Variants in PCDHGA6 observed in about 807,000 individuals in gnomAD.
The protein encoded by PCDHGA6 is protocadherin gamma subfamily A, 6.
A neutral mutation model predicts 60.6 loss-of-function variants in PCDHGA6; 41 were observed. The observed-to-expected ratio is 0.68, with a 90% CI of 0.53 to 0.88. The LOEUF (loss-of-function observed/expected upper bound fraction) is 0.88, where lower values mean the gene tolerates loss of function less well. Among genes scored for constraint, PCDHGA6 ranks in the 40% least tolerant of loss-of-function variants. The pLI, the probability that PCDHGA6 is intolerant of heterozygous loss-of-function variation, is 0.00. For synonymous variants in PCDHGA6, 594 were observed against 524.4 expected (o/e 1.13, Z -1.81); for missense variants, 1,312 against 1,203.0 (o/e 1.09, Z -1.34).
Position 141,490,413 on chromosome 5 carries a change from G to A in PCDHGA6, c.2425-4394G>A, listed in dbSNP as rs2233606. On this transcript the variant is annotated intron_variant, in intron 1 of 3. Transcript: ENST00000517434. The surrounding 1 kb of genome is among the most constrained non-coding windows in gnomAD (Gnocchi z 5.4). ...GTGAAGTGAGCCTTGATATCTCTCC[G>A]GACCTGCCATTTCAGATTAAGCCTT... 2.3e-3 allele frequency: 3,787 copies of A among 1,614,128 alleles called. 38 individuals are homozygous for A. In the African/African-American group the frequency reaches 0.027, roughly 12 times the overall value.
chr5:141,383,570 G>C (rs1312215313), intron 1 of PCDHGA6: 1 of 1,613,234 alleles, frequency 6.2e-7, no homozygotes, highest in South Asian at 1.1e-5. Flanking sequence ...CCCCGATCCA[G>C]CACCGCCCAC....
Position 141,408,181 on chromosome 5 carries a change from C to G in PCDHGA6, c.2424+31674C>G, listed in dbSNP as rs1304952667. ...TTTCTCCAACTGGAAAAGCGGGGAC[C>G]CAGCGAGAACCCGAGCGAACGATGG... On this transcript the variant is annotated intron_variant, in intron 1 of 3. Coordinates refer to ENST00000517434, the MANE Select transcript of PCDHGA6 (RefSeq NM_018919.3). The G allele has an allele frequency of 1.6e-5, 24 of 1,536,932 alleles. No individual in the cohort carries two copies. In the East Asian group the frequency reaches 5.6e-4, roughly 36 times the overall value.
Position 141,487,252 on chromosome 5 carries a change from G to T in PCDHGA6, c.2425-7555G>T. ...GAGAATCTCGTCTAACCCTCTACTT[G>T]GCTGTGTCCCTAGTGGCAATTTGCT... On this transcript the variant is annotated intron_variant, in intron 1 of 3. Transcript: ENST00000517434. The surrounding 1 kb of genome is among the most constrained non-coding windows in gnomAD (Gnocchi z 5.0). 1 of 1,614,110 alleles carries T rather than the reference G, an allele frequency of 6.2e-7. No homozygotes were observed. The highest frequency in any genetic ancestry group is 8.5e-7 in the Non-Finnish European group (1 of 1,180,014).
chr5:141,418,670 G>T (rs767728571), intron 1 of PCDHGA6: 2 of 1,614,042 alleles, frequency 1.2e-6, no homozygotes, highest in Non-Finnish European at 1.7e-6. Context: ...TGACCAGGAC[G>T]AGGGCATCAA....
chr5:141,512,275 A>G lies in PCDHGA6; in HGVS notation c.*1102A>G, dbSNP rs368275103. 1 of 152,730 alleles carries G rather than the reference A, an allele frequency of 6.5e-6. No individual in the cohort carries two copies. The highest frequency in any genetic ancestry group is 2.1e-4 in the South Asian group (1 of 4,824). The allele number at this position is 152,730 out of a possible 1,614,324, so 9.5% of individuals were successfully genotyped here. ...GGGTGCTGGGTACTCCAGAGGTGCC[A>G]CTGGTGGAAGGGTCAGCGGAGCCCC... On this transcript the variant is annotated 3_prime_UTR_variant, in exon 4 of 4. Transcript: ENST00000517434.
In PCDHGA6 at chr5:141,376,173, T is replaced by C. The variant is rs531193543; in HGVS notation, c.2090T>C (p.Val697Ala). The change falls in exon 1 of 4, where the codon GTG becomes GCG. Residue 697 changes from valine (V) to alanine (A), a missense_variant. By Grantham distance (64) the Val-to-Ala change is moderately conservative (BLOSUM62 0). Transcript: ENST00000517434. ...CTCACTCTGTACCTGGTGGTGGCGG[T>C]GGCCGCGGTCTCCTGCGTCTTCCTG... ...SDLTLYLVVA[V>A]AAVSCVFLAF... 21 of 1,614,092 alleles carry C rather than the reference T, an allele frequency of 1.3e-5. No homozygotes were observed. Among genetic ancestry groups the C allele is most frequent in the East Asian group, 2.2e-5 (1 of 44,874 alleles).
In PCDHGA6 at chr5:141,395,138, C is replaced by T. The variant is rs147992300; in HGVS notation, c.2424+18631C>T. 1,238 of 1,614,204 alleles carry T rather than the reference C, an allele frequency of 7.7e-4. 19 individuals are homozygous for T. In the East Asian group the frequency reaches 0.018, roughly 24 times the overall value. On this transcript the variant is annotated intron_variant, in intron 1 of 3. Transcript: ENST00000517434. ...ACCTGATCTTTCCCCAGCCCAACTA[C>T]GCAGACATGCTCATCAGTCAGGAGG...
intron 1 of PCDHGA6, chr5:141,427,870 C>A (rs773176633): frequency 3.2e-6 from 5 of 1,558,750 alleles, no homozygotes; most frequent in Non-Finnish European, 4.4e-6. Context: ...TTCGAGCTCA[C>A]GATGCAGGCC....
In PCDHGA6 at chr5:141,489,449, A is replaced by G; in HGVS notation, c.2425-5358A>G. The G allele has an allele frequency of 6.2e-7, 1 of 1,614,056 alleles. No homozygotes were observed. Among genetic ancestry groups the G allele is most frequent in the Non-Finnish European group, 8.5e-7 (1 of 1,180,016 alleles). On this transcript the variant is annotated intron_variant, in intron 1 of 3. Coordinates refer to ENST00000517434, the MANE Select transcript of PCDHGA6 (RefSeq NM_018919.3). This position sits in a 1 kb window ranked among gnomAD's most constrained non-coding sequence, Gnocchi z 4.5. ...CGGCGGCTGCAATTGGGCTCTGAGG[A>G]GAATGGGCGCTATTTTTCCCTGAGC...
intron 1 of PCDHGA6, among the ~76,000 whole-genome samples, chr5:141,401,149 C>T (rs1398876381): frequency 6.6e-6 from 1 of 152,132 alleles, no homozygotes; most frequent in Non-Finnish European, 1.5e-5. Flanking sequence ...CAAGACCAGC[C>T]TGGGCAATAT....
intron 3 of PCDHGA6, 73 bp from the exon 4 acceptor site, chr5:141,510,874 G>A (rs1419164967): frequency 3.7e-6 from 6 of 1,610,008 alleles, no homozygotes; most frequent in Admixed American, 1.7e-5. Context: ...TTCATTAACT[G>A]CTGGGGATAT....
In PCDHGA6 at chr5:141,418,134, G is replaced by A. The variant is rs367774534; in HGVS notation, c.2424+41627G>A. ...TTACTTGTGAAGGACCGAATAGACC[G>A]TGAGCAAATATGCAAAGAGAGAAGA... On this transcript the variant is annotated intron_variant, in intron 1 of 3. Transcript: ENST00000517434. The A allele has an allele frequency of 3.1e-6, 5 of 1,613,970 alleles. No individual in the cohort carries two copies. In the African/African-American group the frequency reaches 4.0e-5, roughly 13 times the overall value.
chr5:141,478,292 C>T, intron 1 of PCDHGA6: 1 of 1,614,146 alleles, frequency 6.2e-7, no homozygotes, highest in Non-Finnish European at 8.5e-7. Flanking sequence ...GTCTAGAGAC[C>T]TATACCGAGC....
chr5:141,427,428 T>A (rs1489623330), intron 1 of PCDHGA6: 1 of 470,472 alleles, frequency 2.1e-6, no homozygotes. Context: ...GGAGGTTACA[T>A]GCCTCATAAA....
Position 141,432,479 on chromosome 5 carries a change from G to A in PCDHGA6, c.2424+55972G>A, listed in dbSNP as rs771261875. ...CGCCCTCCCCACGGACGGTTCCACT[G>A]GCGTGGAGCTGGCTCCCCGCTCCGC... On this transcript the variant is annotated intron_variant, in intron 1 of 3. Transcript: ENST00000517434. The surrounding 1 kb of genome is among the most constrained non-coding windows in gnomAD (Gnocchi z 6.0). The A allele has an allele frequency of 3.8e-5, 62 of 1,614,076 alleles. No individual in the cohort carries two copies. Among genetic ancestry groups the A allele is most frequent in the Non-Finnish European group, 4.9e-5 (58 of 1,180,052 alleles).
chr5:141,490,822 C>T lies in PCDHGA6; in HGVS notation c.2425-3985C>T. ...GCGTACCTTTGACTATGAATTGCTG[C>T]AGATGCTGCAGATTGTGGTGGGGGT... On this transcript the variant is annotated intron_variant, in intron 1 of 3. Coordinates refer to ENST00000517434, the MANE Select transcript of PCDHGA6 (RefSeq NM_018919.3). This position sits in a 1 kb window ranked among gnomAD's most constrained non-coding sequence, Gnocchi z 5.4. 2 of 1,613,842 alleles carry T rather than the reference C, an allele frequency of 1.2e-6. No individual in the cohort carries two copies. Among genetic ancestry groups the T allele is most frequent in the Non-Finnish European group, 1.7e-6 (2 of 1,179,790 alleles).
chr5:141,374,736 G>A lies in PCDHGA6; in HGVS notation c.653G>A (p.Gly218Asp), dbSNP rs1770792620. The A allele has an allele frequency of 1.9e-6, 3 of 1,611,042 alleles. No individual in the cohort carries two copies. The highest frequency in any genetic ancestry group is 1.7e-6 in the Non-Finnish European group (2 of 1,178,484). ...CTGGTCCTTACTGCCATGGATGGCG[G>A]CGACCCTGTCCGCTCAAGCGTCGCC... Reference protein sequence around the residue: ...YRLVLTAMDGGDPVRSSVAQI... With the variant: ...YRLVLTAMDGDDPVRSSVAQI... Residue 218 changes from glycine to aspartate, a missense_variant, in exon 1 of 4, where the codon GGC (glycine) becomes GAC (aspartate). Physicochemically the swap from Gly to Asp is moderately conservative, Grantham distance 94 (BLOSUM62 -1). Coordinates refer to ENST00000517434, the MANE Select transcript of PCDHGA6 (RefSeq NM_018919.3).
At position 141,476,744 on chromosome 5, in the gene PCDHGA6, CT is replaced by C; in HGVS notation, c.2425-18062del. ...CCTGGACCGAGAACGGGAGCCTAGT[CT>C]CCAGTTAGTGCTGACGGCGTTGGAC... is the stretch of plus-strand genomic sequence containing the variant. On this transcript the variant is annotated intron_variant, in intron 1 of 3. Coordinates refer to ENST00000517434, the MANE Select transcript of PCDHGA6 (RefSeq NM_018919.3). The surrounding 1 kb of genome is among the most constrained non-coding windows in gnomAD (Gnocchi z 7.6). 6.2e-7 allele frequency: 1 copy of C among 1,614,046 alleles called. No homozygotes were observed. Among genetic ancestry groups the C allele is most frequent in the East Asian group, 2.2e-5 (1 of 44,884 alleles).
intron 1 of PCDHGA6, chr5:141,402,889 G>A: frequency 1.3e-6 from 2 of 1,493,808 alleles, no homozygotes; most frequent in South Asian, 1.4e-5. Context: ...CAGGGTGGAA[G>A]AAAGAACCTG....
Sources: gnomAD v4.1 joint callset for allele counts (sites outside exome capture counted in the v4.1 genomes callset) on GRCh38, gnomAD v4.1.1 for gene constraint, Gnocchi (gnomAD v3.1) non-coding constraint, MANE v1.5 for transcripts, NCBI Gene and HGNC (gene_info 2026-07-23, HGNC 2026-07-21) for gene names.